Variants in MYO1E observed in about 807,000 individuals in gnomAD.
The protein encoded by MYO1E is unconventional myosin-Ie.
A neutral mutation model predicts 151.1 loss-of-function variants in MYO1E; 68 were observed. The observed-to-expected ratio is 0.45, with a 90% CI of 0.37 to 0.55. The LOEUF is 0.55. Among genes scored for constraint, MYO1E ranks in the 20% least tolerant of loss-of-function variants. MYO1E has a pLI of 0.00. For missense variants in MYO1E, 1,363 were observed against 1,389.3 expected (o/e 0.98, Z 0.30); for synonymous variants, 601 against 501.7 (o/e 1.20, Z -2.64).
chr15:59,359,745 A>C (rs1323529769), intron 1 of MYO1E: 2 of 152,292 alleles, frequency 1.3e-5, no homozygotes, highest in African/African-American at 4.8e-5. Flanking sequence ...TGTCCTGCAC[A>C]CTGAGACTAT....
At chr15:59,246,977 A>T (rs1293696087) in intron 4 of MYO1E, among the ~76,000 whole-genome samples, 2 of 152,200 alleles carry the variant, frequency 1.3e-5, no homozygotes, top group Non-Finnish European at 2.9e-5. Context: ...ACAAAGGGTT[A>T]GTTTTAAAAA....
At chr15:59,359,453 C>T (rs1211461864) in intron 1 of MYO1E, among the ~76,000 whole-genome samples, 1 of 151,566 alleles carries the variant, frequency 6.6e-6, no homozygotes, top group East Asian at 1.9e-4. Flanking sequence ...CACACCACTG[C>T]ACTTCAGCCT....
At chr15:59,243,842 C>T (rs1305062818) in intron 4 of MYO1E, among the ~76,000 whole-genome samples, 1 of 151,676 alleles carries the variant, frequency 6.6e-6, no homozygotes, top group Non-Finnish European at 1.5e-5. Flanking sequence ...AATGAGAAAC[C>T]ACATCAAAGA....
At chr15:59,337,167 C>T (rs755338368) in intron 1 of MYO1E, among the ~76,000 whole-genome samples, 7 of 152,064 alleles carry the variant, frequency 4.6e-5, no homozygotes, top group South Asian at 2.1e-4. Context: ...TGAATATTTC[C>T]GTTTTACAGA....
At chr15:59,320,176 C>T (rs1480641860) in intron 1 of MYO1E, among the ~76,000 whole-genome samples, 7 of 152,096 alleles carry the variant, frequency 4.6e-5, no homozygotes, top group African/African-American at 1.7e-4. Flanking sequence ...ACAGATGACA[C>T]AAACGAATGG....
At chr15:59,154,221 A>T (rs567994125) in intron 25 of MYO1E, among the ~76,000 whole-genome samples, 32 of 152,302 alleles carry the variant, frequency 2.1e-4, no homozygotes, top group Middle Eastern at 3.4e-3. Context: ...ATGACTCAAG[A>T]GGGCTGACAG....
At chr15:59,171,737 A>G (rs954301666) in intron 22 of MYO1E, among the ~76,000 whole-genome samples, 160 bp downstream of exon 22, 3 of 152,180 alleles carry the variant, frequency 2.0e-5, no homozygotes, top group Non-Finnish European at 2.9e-5. Context: ...TGCTGAGACT[A>G]GGGAGTCTTC....
At chr15:59,141,892 G>T (rs1309064604) in intron 26 of MYO1E, among the ~76,000 whole-genome samples, 4 of 151,600 alleles carry the variant, frequency 2.6e-5, no homozygotes, top group African/African-American at 9.7e-5. Context: ...TGGATCATGA[G>T]GTCAGGAGAT....
intron 26 of MYO1E, among the ~76,000 whole-genome samples, chr15:59,141,395 G>A (rs59782447): frequency 9.7e-4 from 147 of 152,248 alleles, no homozygotes; most frequent in African/African-American, 3.2e-3. Context: ...TCCTGTATAC[G>A]TTAAATCACC....
rs1179056708 is a variant in MYO1E at position 59,137,100 on chromosome 15, C to T, written c.*280G>A. 1 of 472,386 alleles carries T rather than the reference C, an allele frequency of 2.1e-6. No homozygotes were observed. Among genetic ancestry groups the T allele is most frequent in the South Asian group, 2.1e-5 (1 of 47,454 alleles). 29.3% of individuals were successfully genotyped at this position (472,386 alleles called of 1,614,324 possible). ...CAAGGTCTGAGCAGACCTCACTTGT[C>T]CTCTCACCAGGTTTAAATACAATAA... On this transcript the variant is annotated 3_prime_UTR_variant, in exon 28 of 28. Transcript: ENST00000288235.
chr15:59,316,496 G>C (rs371782752), intron 1 of MYO1E, among the ~76,000 whole-genome samples: 3 of 152,182 alleles, frequency 2.0e-5, no homozygotes, highest in Non-Finnish European at 4.4e-5. Context: ...CAGTATTATA[G>C]AGAGAAGAGA....
At chr15:59,226,751 G>C (rs572283431) in intron 7 of MYO1E, among the ~76,000 whole-genome samples, 2 of 152,326 alleles carry the variant, frequency 1.3e-5, no homozygotes, top group African/African-American at 2.4e-5. Context: ...AGGTTGCAGT[G>C]AGCCAAGATT....
Position 59,178,394 on chromosome 15 carries a change from G to A in MYO1E, c.2048C>T (p.Ser683Phe). ...GTGGAGAGCCAGCCAAGCACTCACA[G>A]ACTCGGGGGCTTTGATGAACACTTT... The part of the protein sequence containing the change: ...RSKVFIKAPE[S>F]LFLLEEMRER... Residue 683 changes from serine to phenylalanine, a missense_variant and splice_region_variant, in exon 19 of 28, where the codon TCT becomes TTT. Coordinates refer to ENST00000288235, the MANE Select transcript of MYO1E (RefSeq NM_004998.4). 1 of 1,614,212 alleles carries A rather than the reference G, an allele frequency of 6.2e-7. No homozygotes were observed. The highest frequency in any genetic ancestry group is 8.5e-7 in the Non-Finnish European group (1 of 1,180,014).
At chr15:59,201,455 A>G (rs1277084962) in intron 16 of MYO1E, among the ~76,000 whole-genome samples, 1 of 137,802 alleles carries the variant, frequency 7.3e-6, no homozygotes, top group African/African-American at 2.8e-5. Flanking sequence ...CCGAGGCTGG[A>G]GTGCAATCGC....
intron 1 of MYO1E, among the ~76,000 whole-genome samples, chr15:59,322,874 C>A (rs1464642076): frequency 6.6e-6 from 1 of 151,972 alleles, no homozygotes; most frequent in African/African-American, 2.4e-5. Context: ...AGAAATGGTG[C>A]TTTCTGGCCG....
chr15:59,203,256 C>T (rs2079812893), intron 15 of MYO1E, among the ~76,000 whole-genome samples: 1 of 152,198 alleles, frequency 6.6e-6, no homozygotes, highest in Non-Finnish European at 1.5e-5. Context: ...ATGGTCTCTG[C>T]TCACCAGATG....
chr15:59,176,485 T>A (rs540824356), intron 19 of MYO1E, among the ~76,000 whole-genome samples: 21 of 147,092 alleles, frequency 1.4e-4, no homozygotes, highest in African/African-American at 5.0e-4. Context: ...AGAGAAAGGG[T>A]CTTTCTTGAT....
In MYO1E at chr15:59,372,844, T is replaced by C; in HGVS notation, c.-344A>G. The C allele has an allele frequency of 2.4e-6, 1 of 423,590 alleles. No homozygotes were observed. The highest frequency in any genetic ancestry group is 4.2e-6 in the Non-Finnish European group (1 of 236,508). 26.2% of individuals were successfully genotyped at this position (423,590 alleles called of 1,614,324 possible). A position where few individuals can be genotyped will look rare whatever the true frequency, so the allele number is the denominator to read the frequency against. On this transcript the variant is annotated 5_prime_UTR_variant, in exon 1 of 28. Coordinates refer to ENST00000288235, the MANE Select transcript of MYO1E (RefSeq NM_004998.4). ...GCCTCACTCCTCTTTCTTCGGCCAC[T>C]TAATCCGTACTCCTCTGGCTGAGTC...
intron 5 of MYO1E, among the ~76,000 whole-genome samples, chr15:59,232,353 T>C (rs1412606856): frequency 2.0e-5 from 3 of 152,304 alleles, no homozygotes; most frequent in East Asian, 3.9e-4. Flanking sequence ...ACTTAGTAGG[T>C]TGGGGTAGGC....
Sources: gnomAD v4.1 joint callset for allele counts (sites outside exome capture counted in the v4.1 genomes callset) on GRCh38, gnomAD v4.1.1 for gene constraint, MANE v1.5 for transcripts, NCBI Gene and HGNC (gene_info 2026-07-23, HGNC 2026-07-21) for gene names.